DSCAM: variants seen among roughly 807,000 people sequenced by gnomAD.
The protein encoded by DSCAM is DS cell adhesion molecule, also known as cell adhesion molecule DSCAM.
A neutral mutation model predicts 217.7 loss-of-function variants in DSCAM; 47 were observed. That is an observed-to-expected ratio of 0.22 (90% CI 0.17 to 0.28). The LOEUF is 0.28. Among genes scored for constraint, DSCAM ranks in the 10% least tolerant of loss-of-function variants. The pLI, the probability that DSCAM is intolerant of heterozygous loss-of-function variation, is 1.00. For synonymous variants in DSCAM, 1,056 were observed against 1,015.3 expected (o/e 1.04, Z -0.76); for missense variants, 2,080 against 2,618.3 (o/e 0.79, Z 4.49).
At position 40,822,343 on chromosome 21, in the gene DSCAM, A is replaced by C. The variant is rs1168592564; in HGVS notation, c.43+24276T>G. Among the ~76,000 whole-genome samples, 4 of 150,788 alleles carry C rather than the reference A, an allele frequency of 2.7e-5. No individual in the cohort carries two copies. The East Asian group carries it at 7.7e-4, about 29-fold the overall frequency. ...CAAAAAAAAAAAAAAAAAAAAAAAA[A>C]AAAGTCTTTTTAGAATGATCAGGAG... is the stretch of plus-strand genomic sequence containing the variant. On this transcript the variant is annotated intron_variant, in intron 1 of 32. Coordinates refer to ENST00000400454, the MANE Select transcript of DSCAM (RefSeq NM_001389.5).
At chr21:40,172,323 C>G (rs1192080215) in intron 15 of DSCAM, among the ~76,000 whole-genome samples, 2 of 152,256 alleles carry the variant, frequency 1.3e-5, no homozygotes, top group Non-Finnish European at 2.9e-5. Flanking sequence ...AAATCCAAAA[C>G]TCTTCGATCT....
rs2088280731 is a variant in DSCAM at position 40,021,975 on chromosome 21, C to CAG, written c.5687-8590_5687-8589insCT. ...GAAAGCAAAACTTCCTGAATTTTCT[C>CAG]AATCTATTCAGACACACGCAAGGTT... On this transcript the variant is annotated intron_variant, in intron 32 of 32. Transcript: ENST00000400454. Among the ~76,000 whole-genome samples the CAG allele has an allele frequency of 2.0e-5, 3 of 152,340 alleles. No homozygotes were observed. In the South Asian group the frequency reaches 6.2e-4, roughly 32 times the overall value.
intron 3 of DSCAM, among the ~76,000 whole-genome samples, chr21:40,671,353 G>C (rs990697722): frequency 2.0e-5 from 3 of 152,120 alleles, no homozygotes; most frequent in African/African-American, 7.2e-5. Flanking sequence ...AGACTAGCCT[G>C]AACAAATAAA....
intron 8 of DSCAM, among the ~76,000 whole-genome samples, chr21:40,325,834 T>A (rs1048044125): frequency 6.6e-6 from 1 of 152,090 alleles, no homozygotes; most frequent in Non-Finnish European, 1.5e-5. Context: ...GGTATAGGAA[T>A]TTTGGAGAGT....
At chr21:40,061,569 CAAAAAAAA>C (rs1223587491) in intron 28 of DSCAM, among the ~76,000 whole-genome samples, 2 of 86,390 alleles carry the variant, frequency 2.3e-5, no homozygotes, top group East Asian at 5.4e-4. Context: ...AACTCTGTCC[CAAAAAAAA>C]AAAAAAAAGA....
At chr21:40,655,563 C>T (rs2090065696) in intron 3 of DSCAM, among the ~76,000 whole-genome samples, 1 of 151,982 alleles carries the variant, frequency 6.6e-6, no homozygotes, top group African/African-American at 2.4e-5. Flanking sequence ...CCACCTCAGC[C>T]TCCCAAGTGG....
intron 32 of DSCAM, among the ~76,000 whole-genome samples, chr21:40,030,298 AAG>A (rs892298419): frequency 1.3e-5 from 2 of 151,770 alleles, no homozygotes; most frequent in Non-Finnish European, 2.9e-5. Flanking sequence ...ATTGATAGAC[AAG>A]ACCCACAGAG....
chr21:40,627,204 G>A (rs1366847489), intron 3 of DSCAM, among the ~76,000 whole-genome samples: 1 of 152,154 alleles, frequency 6.6e-6, no homozygotes, highest in Non-Finnish European at 1.5e-5. Context: ...CTAATAACCT[G>A]TGGCAAATAG....
intron 20 of DSCAM, among the ~76,000 whole-genome samples, chr21:40,119,976 G>A (rs2090015020): frequency 6.6e-6 from 1 of 152,096 alleles, no homozygotes; most frequent in East Asian, 1.9e-4. Context: ...GCCTGACTAT[G>A]GCTTTATTTG....
intron 16 of DSCAM, among the ~76,000 whole-genome samples, chr21:40,159,124 C>T (rs76980966): frequency 0.046 from 6,974 of 152,236 alleles, 161 homozygotes; most frequent in Non-Finnish European, 0.061. Context: ...TTCGTCCAGC[C>T]GAGTTGCCAT....
intron 3 of DSCAM, among the ~76,000 whole-genome samples, chr21:40,629,162 C>A (rs1333029795): frequency 6.6e-6 from 1 of 150,856 alleles, no homozygotes; most frequent in African/African-American, 2.4e-5. Context: ...GTTTACTCTA[C>A]TTCTTGTCCT....
chr21:40,560,509 G>A (rs1258003922), intron 3 of DSCAM, among the ~76,000 whole-genome samples: 2 of 152,208 alleles, frequency 1.3e-5, no homozygotes, highest in African/African-American at 2.4e-5. Flanking sequence ...GGTGTTTTCA[G>A]TCTACCCGTT....
In DSCAM at chr21:40,419,470, T is replaced by C. The variant is rs539176908; in HGVS notation, c.509-50225A>G. 2.0e-5 allele frequency among the ~76,000 whole-genome samples: 3 copies of C among 152,248 alleles called. No individual in the cohort carries two copies. In the South Asian group the frequency reaches 6.2e-4, roughly 32 times the overall value. ...GCTGGTAAAACAGGTAATTTATACATGAAAACACTGGGTTTCATCATCCAA... is the reference window on the plus strand; with the variant it reads ...GCTGGTAAAACAGGTAATTTATACACGAAAACACTGGGTTTCATCATCCAA... On this transcript the variant is annotated intron_variant, in intron 3 of 32. Transcript: ENST00000400454.
At chr21:40,323,000 G>A (rs375361239) in intron 8 of DSCAM, among the ~76,000 whole-genome samples, 4 of 152,062 alleles carry the variant, frequency 2.6e-5, no homozygotes, top group South Asian at 2.1e-4. Context: ...TGGCCACCTC[G>A]GAGATTGTCT....
chr21:40,490,073 C>G (rs2076064200), intron 3 of DSCAM, among the ~76,000 whole-genome samples: 1 of 152,122 alleles, frequency 6.6e-6, no homozygotes, highest in Non-Finnish European at 1.5e-5. Context: ...AGAATCATGT[C>G]CTACATGGCA....
At chr21:40,248,932 GA>G (rs2073264659) in intron 11 of DSCAM, among the ~76,000 whole-genome samples, 2 of 152,138 alleles carry the variant, frequency 1.3e-5, no homozygotes, top group African/African-American at 2.4e-5. Flanking sequence ...AGAGAAAAAT[GA>G]AGATGAAGTA....
chr21:40,410,294 AC>A (rs1215666471), intron 3 of DSCAM, among the ~76,000 whole-genome samples: 1 of 152,064 alleles, frequency 6.6e-6, no homozygotes, highest in Non-Finnish European at 1.5e-5. Context: ...AACAATAGAA[AC>A]TACACAAAAT....
intron 20 of DSCAM, among the ~76,000 whole-genome samples, chr21:40,097,934 C>CTACTT (rs1464687720): frequency 2.0e-5 from 1 of 51,114 alleles, no homozygotes; most frequent in Non-Finnish European, 3.7e-5. Flanking sequence ...GAGTGAGACT[C>CTACTT]TGTCTCAAAA....
intron 10 of DSCAM, among the ~76,000 whole-genome samples, chr21:40,281,073 A>G (rs572328581): frequency 1.7e-4 from 26 of 152,016 alleles, no homozygotes; most frequent in African/African-American, 6.0e-4. Context: ...CAGAGGTCTC[A>G]GCTAAGCCAC....
Sources: gnomAD v4.1 joint callset for allele counts (sites outside exome capture counted in the v4.1 genomes callset) on GRCh38, gnomAD v4.1.1 for gene constraint, MANE v1.5 for transcripts, NCBI Gene and HGNC (gene_info 2026-07-23, HGNC 2026-07-21) for gene names.